NNT: variants seen among roughly 807,000 people sequenced by gnomAD.
NNT encodes nicotinamide nucleotide transhydrogenase, also known as NAD(P) transhydrogenase, mitochondrial.
NNT carries 50 observed loss-of-function variants against 104.8 expected under a neutral mutation model. The ratio of observed to expected loss-of-function variants is 0.48; its 90% CI spans 0.38 to 0.60. The LOEUF (loss-of-function observed/expected upper bound fraction) is 0.60. NNT is among the 20% of genes least tolerant of loss of function. The pLI is 0.00. For synonymous variants in NNT, 461 were observed against 490.4 expected (o/e 0.94, Z 0.79); for missense variants, 1,131 against 1,330.7 (o/e 0.85, Z 2.33).
At chr5:43,702,833 C>A (rs773011240) in intron 21 of NNT, 97 bp downstream of exon 21, 3 of 861,800 alleles carry the variant, frequency 3.5e-6, no homozygotes, top group East Asian at 2.7e-5. Context: ...AATGATGATG[C>A]CTTCTAGGAG....
At chr5:43,650,697 G>C in intron 12 of NNT, 110 bp downstream of exon 12, 1 of 700,518 alleles carries the variant, frequency 1.4e-6, no homozygotes, top group South Asian at 2.7e-5. Flanking sequence ...GTTTCACTCT[G>C]ACCGTAAATG....
At chr5:43,658,316 C>G (rs748945688) in intron 16 of NNT, among the ~76,000 whole-genome samples, 2 of 151,988 alleles carry the variant, frequency 1.3e-5, no homozygotes, top group African/African-American at 2.4e-5. Flanking sequence ...TGAATATGCT[C>G]TCATTGTAAC....
At chr5:43,629,189 C>T (rs1047608108) in intron 7 of NNT, among the ~76,000 whole-genome samples, 6 of 152,042 alleles carry the variant, frequency 3.9e-5, no homozygotes, top group Admixed American at 3.9e-4. Context: ...CCCCAAAGCC[C>T]ATTATATCAT....
At chr5:43,611,561 C>T (rs1387498668) in intron 2 of NNT, among the ~76,000 whole-genome samples, 1 of 152,154 alleles carries the variant, frequency 6.6e-6, no homozygotes, top group Non-Finnish European at 1.5e-5. Flanking sequence ...CCTTCTCCTT[C>T]CAGTAAGGAG....
At chr5:43,669,308 C>T (rs1323625317) in intron 17 of NNT, among the ~76,000 whole-genome samples, 1 of 152,038 alleles carries the variant, frequency 6.6e-6, no homozygotes, top group African/African-American at 2.4e-5. Context: ...CCAGAACTTC[C>T]AACACTATGT....
chr5:43,634,492 G>T (rs1331387480), intron 7 of NNT, among the ~76,000 whole-genome samples: 1 of 152,040 alleles, frequency 6.6e-6, no homozygotes, highest in East Asian at 1.9e-4. Flanking sequence ...TGATCATAAA[G>T]GACAAAACTA....
At chr5:43,622,867 T>G (rs1047474633) in intron 5 of NNT, among the ~76,000 whole-genome samples, 1 of 139,004 alleles carries the variant, frequency 7.2e-6, no homozygotes, top group East Asian at 2.5e-4. Context: ...AAATTATGGT[T>G]TTTTTTTTTT....
chr5:43,611,919 C>CT (rs1461019129), intron 2 of NNT, among the ~76,000 whole-genome samples: 1 of 151,994 alleles, frequency 6.6e-6, no homozygotes, highest in African/African-American at 2.4e-5. Flanking sequence ...ACTATATAGG[C>CT]TTTTTTGGGT....
At chr5:43,647,442 A>T (rs1561287948) in intron 10 of NNT, among the ~76,000 whole-genome samples, 1 of 152,226 alleles carries the variant, frequency 6.6e-6, no homozygotes, top group Non-Finnish European at 1.5e-5. Context: ...TTCTTAATAT[A>T]TATGACAGTG....
intron 14 of NNT, among the ~76,000 whole-genome samples, chr5:43,654,752 A>G (rs952876259): frequency 6.6e-6 from 1 of 152,198 alleles, no homozygotes; most frequent in Non-Finnish European, 1.5e-5. Context: ...AAGCTCATGT[A>G]TTTGTATGTG....
At chr5:43,657,949 G>A (rs71629185) in intron 16 of NNT, among the ~76,000 whole-genome samples, 21,418 of 151,904 alleles carry the variant, frequency 0.14, 2,201 homozygotes, top group African/African-American at 0.29. Context: ...AGCCTGGCCA[G>A]CATGGTGAAA....
intron 2 of NNT, among the ~76,000 whole-genome samples, chr5:43,612,305 T>G (rs527843534): frequency 8.5e-5 from 13 of 152,306 alleles, no homozygotes; most frequent in African/African-American, 3.1e-4. Flanking sequence ...TCTTATAAGG[T>G]GCAGCTGCTA....
Position 43,675,744 on chromosome 5 carries a change from G to A in NNT, c.2794+74G>A, listed in dbSNP as rs534188452. 1.5e-3 allele frequency: 1,736 copies of A among 1,122,622 alleles called. 7 individuals are homozygous for A. Among genetic ancestry groups the A allele is most frequent in the Non-Finnish European group, 1.1e-3 (975 of 854,204 alleles). 69.5% of individuals were successfully genotyped at this position (1,122,622 alleles called of 1,614,324 possible). On this transcript the variant is annotated intron_variant, in intron 18 of 21. Transcript: ENST00000344920. ...GATGACATTAAAATTTCTTATAATA[G>A]GAAAGTAGAATTGAAACTTCTTTAG... is the stretch of plus-strand genomic sequence containing the variant.
chr5:43,673,400 C>T (rs1185654212), intron 17 of NNT, among the ~76,000 whole-genome samples: 3 of 152,206 alleles, frequency 2.0e-5, no homozygotes, highest in Non-Finnish European at 2.9e-5. Flanking sequence ...TAGACTGGAG[C>T]TCTTCCTATT....
intron 7 of NNT, among the ~76,000 whole-genome samples, chr5:43,631,643 A>G (rs918440511): frequency 1.3e-5 from 2 of 152,194 alleles, no homozygotes; most frequent in Non-Finnish European, 2.9e-5. Flanking sequence ...ATTATTGATT[A>G]CAGAGCTAGA....
intron 7 of NNT, among the ~76,000 whole-genome samples, 182 bp downstream of exon 7, chr5:43,628,569 T>G (rs1750496049): frequency 6.6e-6 from 1 of 152,174 alleles, no homozygotes; most frequent in Admixed American, 6.5e-5. Flanking sequence ...AATAATTTCC[T>G]TCAAGTATTT....
chr5:43,622,978 G>A (rs996034718), intron 5 of NNT, among the ~76,000 whole-genome samples: 2 of 150,466 alleles, frequency 1.3e-5, no homozygotes, highest in African/African-American at 2.5e-5. Flanking sequence ...TTTAAGTGGT[G>A]ATGGAGCTTC....
intron 17 of NNT, among the ~76,000 whole-genome samples, chr5:43,667,767 CCG>C (rs1329948854): frequency 1.3e-5 from 2 of 152,158 alleles, no homozygotes; most frequent in African/African-American, 4.8e-5. Context: ...ATTTATAATC[CCG>C]TGGGTATATA....
At chr5:43,656,861 A>G in intron 16 of NNT, 48 bp downstream of exon 16, 2 of 1,531,102 alleles carry the variant, frequency 1.3e-6, no homozygotes, top group Non-Finnish European at 1.8e-6. Context: ...AGAACTGGGA[A>G]TATTTTGTTA....
Sources: allele counts gnomAD v4.1 joint callset (sites outside exome capture counted in the v4.1 genomes callset), GRCh38; gene constraint gnomAD v4.1.1; transcripts MANE v1.5; gene names NCBI Gene and HGNC (gene_info 2026-07-23, HGNC 2026-07-21).